The following ZBTB14 variants were observed in gnomAD, a reference collection of about 807,000 sequenced individuals.
ZBTB14 encodes the protein zinc finger and BTB domain-containing protein 14.
In ZBTB14, 8 loss-of-function variants were observed where a neutral mutation model predicts 29.5. The ratio of observed to expected loss-of-function variants is 0.27; its 90% CI spans 0.16 to 0.49. The LOEUF is 0.49. ZBTB14 is among the 20% of genes least tolerant of loss of function. ZBTB14 has a pLI of 0.99. For missense variants in ZBTB14, 333 were observed against 563.8 expected (o/e 0.59, Z 4.15); for synonymous variants, 226 against 207.2 (o/e 1.09, Z -0.78).
At chr18:5,294,635 A>G (rs545415385) in intron 1 of ZBTB14, among the ~76,000 whole-genome samples, 10 of 151,970 alleles carry the variant, frequency 6.6e-5, no homozygotes, top group Admixed American at 5.9e-4. Flanking sequence ...TCAAAACTGG[A>G]AGACAGCTGT....
At position 5,291,943 on chromosome 18, in the gene ZBTB14, C is replaced by A; in HGVS notation, c.265G>T (p.Val89Phe). 6.2e-7 allele frequency: 1 copy of A among 1,614,198 alleles called. No homozygotes were observed. Among genetic ancestry groups the A allele is most frequent in the Non-Finnish European group, 8.5e-7 (1 of 1,180,038 alleles). The change falls in exon 4 of 4, where the codon GTC becomes TTC. Residue 89 changes from valine to phenylalanine, a missense_variant. Val to Phe is a conservative substitution (Grantham distance 50, BLOSUM62 -1). Coordinates refer to ENST00000651870, the MANE Select transcript of ZBTB14 (RefSeq NM_001243702.2). The surrounding 1 kb of genome is among the most constrained non-coding windows in gnomAD (Gnocchi z 5.8). ...DFLRSDIFEEVLNYMYTAKIS... is the reference protein window; with the variant it reads ...DFLRSDIFEEFLNYMYTAKIS... ...TTTGCTGTGTACATGTAGTTCAGGA[C>A]CTCTTCAAATATATCAGAACGAAGA...
chr18:5,293,894 T>A (rs9957907), intron 2 of ZBTB14, 78 bp downstream of exon 2: 1 of 151,840 alleles, frequency 6.6e-6, no homozygotes, highest in Non-Finnish European at 1.5e-5. Context: ...TTGTATTTGA[T>A]AAATCCAGGT....
At position 5,290,834 on chromosome 18, in the gene ZBTB14, C is replaced by T. The variant is rs781555908; in HGVS notation, c.*24G>A. 4 of 1,596,284 alleles carry T rather than the reference C, an allele frequency of 2.5e-6. No homozygotes were observed. The highest frequency in any genetic ancestry group is 3.4e-6 in the Non-Finnish European group (4 of 1,171,526). On this transcript the variant is annotated 3_prime_UTR_variant, in exon 4 of 4. Coordinates refer to ENST00000651870, the MANE Select transcript of ZBTB14 (RefSeq NM_001243702.2). ...GTCATCTCAGTCTCCACTTTCCAGG[C>T]AAAGTGTCCCTGTCCCACCGCCTCT...
At position 5,291,390 on chromosome 18, in the gene ZBTB14, T is replaced by C; in HGVS notation, c.818A>G (p.His273Arg). 1.2e-6 allele frequency: 2 copies of C among 1,614,230 alleles called. No individual in the cohort carries two copies. Among genetic ancestry groups the C allele is most frequent in the East Asian group, 2.2e-5 (1 of 44,874 alleles). The change falls in exon 4 of 4, where the codon CAT becomes CGT. Residue 273 changes from histidine (H) to arginine (R), a missense_variant. Around this residue, in one of 3 missense-constraint regions of ZBTB14, gnomAD observed 140 missense variants for 274.6 expected, o/e 0.51. Coordinates refer to ENST00000651870, the MANE Select transcript of ZBTB14 (RefSeq NM_001243702.2). The surrounding 1 kb of genome is among the most constrained non-coding windows in gnomAD (Gnocchi z 5.8). ...MKFEYLLYGH[H>R]REQIACQACG... is the part of the protein sequence containing the mutation. ...CGCCTGGCAGGCAATCTGCTCCCGA[T>C]GGTGACCATAAAGCAAATACTCAAA...
At chr18:5,294,959 T>A (rs2071911992) in intron 1 of ZBTB14, 1 of 151,932 alleles carries the variant, frequency 6.6e-6, no homozygotes, top group Non-Finnish European at 1.5e-5. Flanking sequence ...CCCTCTCAAT[T>A]TCTTTGGGCC....
Position 5,292,133 on chromosome 18 carries a change from T to C in ZBTB14, c.75A>G (p.Thr25=). ...CTCCTTCCAGGCGTTGTTCATTTAGTGTTTTCAGAAACAGAGTTTTATGAT... is the reference window on the plus strand; with the variant it reads ...CTCCTTCCAGGCGTTGTTCATTTAGCGTTTTCAGAAACAGAGTTTTATGAT... ...DDDHKTLFLK[T]LNEQRLEGEF... is the part of the protein sequence containing the mutation. The change falls in exon 4 of 4, where the codon ACA becomes ACG. Residue 25 remains threonine (T), a synonymous_variant. Coordinates refer to ENST00000651870, the MANE Select transcript of ZBTB14 (RefSeq NM_001243702.2). 1 of 1,600,202 alleles carries C rather than the reference T, an allele frequency of 6.2e-7. No homozygotes were observed. The highest frequency in any genetic ancestry group is 8.5e-7 in the Non-Finnish European group (1 of 1,179,434).
chr18:5,296,331 G>T (rs950187624), upstream of ZBTB14: 15 of 150,154 alleles, frequency 1.0e-4, no homozygotes, highest in Admixed American at 2.6e-4. Context: ...TTAAGCACGA[G>T]CGCTGCTCGC....
In ZBTB14 at chr18:5,290,770, C is replaced by A; in HGVS notation, c.*88G>T. ...GAGTACAATGTTCCATACGTTTCCA[C>A]AAAAATATTGTAACTGGCATTCACT... On this transcript the variant is annotated 3_prime_UTR_variant, in exon 4 of 4. Transcript: ENST00000651870. 6 of 1,533,028 alleles carry A rather than the reference C, an allele frequency of 3.9e-6. No individual in the cohort carries two copies. Among genetic ancestry groups the A allele is most frequent in the Non-Finnish European group, 5.3e-6 (6 of 1,141,336 alleles). 95.0% of individuals were successfully genotyped at this position (1,533,028 alleles called of 1,614,324 possible).
chr18:5,293,716 C>T (rs2071871922), intron 2 of ZBTB14: 1 of 154,406 alleles, frequency 6.5e-6, no homozygotes, highest in African/African-American at 2.4e-5. Context: ...TGTTAGCCCT[C>T]TACATTTTTC....
At chr18:5,294,193 C>G (rs1005957206) in intron 1 of ZBTB14, among the ~76,000 whole-genome samples, 192 bp from the exon 2 acceptor site, 2 of 152,198 alleles carry the variant, frequency 1.3e-5, no homozygotes, top group Non-Finnish European at 2.9e-5. Flanking sequence ...AGCTACCCAG[C>G]GTAGAAGCGG....
intron 1 of ZBTB14, among the ~76,000 whole-genome samples, chr18:5,295,019 G>C (rs1256865836): frequency 1.3e-5 from 2 of 151,970 alleles, no homozygotes; most frequent in Non-Finnish European, 2.9e-5. Flanking sequence ...CCAGACAAAA[G>C]CTCCCAGCCT....
chr18:5,293,357 G>C (rs2071862142), intron 2 of ZBTB14, 30 bp from the exon 3 acceptor site: 2 of 1,127,496 alleles, frequency 1.8e-6, no homozygotes, highest in African/African-American at 1.6e-5. Context: ...CAAGAATGAG[G>C]TAGGATCTTC....
In ZBTB14 at chr18:5,289,087, T is replaced by A. The variant is rs954616676; in HGVS notation, c.*1771A>T. ...AAAATATGGTTTGTTGAAGTAGCTA[T>A]TGACAAGATGTTAAAATTATTTTTC... On this transcript the variant is annotated 3_prime_UTR_variant, in exon 4 of 4. Coordinates refer to ENST00000651870, the MANE Select transcript of ZBTB14 (RefSeq NM_001243702.2). 6.6e-6 allele frequency: 1 copy of A among 152,360 alleles called. No homozygotes were observed. Among genetic ancestry groups the A allele is most frequent in the African/African-American group, 2.4e-5 (1 of 41,588 alleles). The allele number at this position is 152,360 out of a possible 1,614,324, so 9.4% of individuals were successfully genotyped here. A position where few individuals can be genotyped will look rare whatever the true frequency, so the allele number is the denominator to read the frequency against.
chr18:5,293,686 A>G (rs2071871322), intron 2 of ZBTB14: 1 of 156,970 alleles, frequency 6.4e-6, no homozygotes, highest in Non-Finnish European at 1.4e-5. Flanking sequence ...CCCTACACCT[A>G]TCCCATTTCC....
At chr18:5,295,237 C>A (rs1448251358) in intron 1 of ZBTB14, among the ~76,000 whole-genome samples, 3 of 145,008 alleles carry the variant, frequency 2.1e-5, no homozygotes, top group African/African-American at 7.4e-5. Context: ...TCGCGCCCCG[C>A]GCACTCCCCG....
At chr18:5,294,424 G>A (rs1043188827) in intron 1 of ZBTB14, among the ~76,000 whole-genome samples, 2 of 152,174 alleles carry the variant, frequency 1.3e-5, no homozygotes, top group Non-Finnish European at 2.9e-5. Context: ...ACCAGAGAGA[G>A]GAGTGGCCTT....
At chr18:5,294,421 AGAG>A (rs2071892545) in intron 1 of ZBTB14, among the ~76,000 whole-genome samples, 2 of 152,170 alleles carry the variant, frequency 1.3e-5, no homozygotes, top group South Asian at 4.1e-4. Flanking sequence ...GGGACCAGAG[AGAG>A]GAGTGGCCTT....
rs138010445 is a variant in ZBTB14 at position 5,291,695 on chromosome 18, G to T, written c.513C>A (p.Asp171Glu). ...CTTCTACTGTGTCATCAGAAGGACT[G>T]TCATCCTGATCCCCGATTTCCTCTA... Reference protein sequence around the residue: ...DDVEEIGDQDDSPSDDTVEGT... With the variant: ...DDVEEIGDQDESPSDDTVEGT... The change falls in exon 4 of 4, where the codon GAC becomes GAA. Residue 171 changes from aspartate to glutamate, a missense_variant. By Grantham distance (45) the Asp-to-Glu change is conservative (BLOSUM62 2). Transcript: ENST00000651870. This position sits in a 1 kb window ranked among gnomAD's most constrained non-coding sequence, Gnocchi z 5.8. 10 of 1,614,130 alleles carry T rather than the reference G, an allele frequency of 6.2e-6. No homozygotes were observed. The African/African-American group carries it at 1.3e-4, about 22-fold the overall frequency.
At position 5,289,953 on chromosome 18, in the gene ZBTB14, C is replaced by G. The variant is rs1362268111; in HGVS notation, c.*905G>C. ...AATGTATCTGAAGAAGTTATCTGTT[C>G]TTGTCCTAATTTTGATTCTAAATAA... On this transcript the variant is annotated 3_prime_UTR_variant, in exon 4 of 4. Coordinates refer to ENST00000651870, the MANE Select transcript of ZBTB14 (RefSeq NM_001243702.2). The G allele has an allele frequency of 1.3e-5, 2 of 152,170 alleles. No homozygotes were observed. Among genetic ancestry groups the G allele is most frequent in the African/African-American group, 4.8e-5 (2 of 41,424 alleles). 9.4% of individuals were successfully genotyped at this position (152,170 alleles called of 1,614,324 possible).
Sources: allele counts gnomAD v4.1 joint callset (sites outside exome capture counted in the v4.1 genomes callset), GRCh38; gene constraint gnomAD v4.1.1; regional missense constraint gnomAD v4.1.1; non-coding constraint Gnocchi (gnomAD v3.1); transcripts MANE v1.5; gene names NCBI Gene and HGNC (gene_info 2026-07-23, HGNC 2026-07-21).